The following SPPL3 variants were observed in gnomAD, a reference collection of about 807,000 sequenced individuals.
The protein encoded by SPPL3 is signal peptide peptidase like 3.
In SPPL3, 5 loss-of-function variants were observed where a neutral mutation model predicts 42.4. That is an observed-to-expected ratio of 0.12 (90% CI 0.06 to 0.25). The LOEUF (loss-of-function observed/expected upper bound fraction) is 0.25. Ranked by LOEUF, SPPL3 falls within the 10% of genes least tolerant of loss-of-function variation. The pLI is 1.00. For synonymous variants in SPPL3, 195 were observed against 181.8 expected (o/e 1.07, Z -0.58); for missense variants, 235 against 489.0 (o/e 0.48, Z 4.90).
intron 6 of SPPL3, among the ~76,000 whole-genome samples, chr12:120,772,786 G>A (rs1358935549): frequency 2.6e-5 from 4 of 152,132 alleles, no homozygotes. Flanking sequence ...ACAACTCAGA[G>A]GAGTTGGAAA....
Position 120,763,065 on chromosome 12 carries a change from ACAG to A in SPPL3, c.*1931_*1933del, listed in dbSNP as rs1346941512. The A allele has an allele frequency of 6.6e-6, 1 of 152,250 alleles. No individual in the cohort carries two copies. Among genetic ancestry groups the A allele is most frequent in the Non-Finnish European group, 1.5e-5 (1 of 68,100 alleles). 9.4% of individuals were successfully genotyped at this position (152,250 alleles called of 1,614,324 possible). On this transcript the variant is annotated 3_prime_UTR_variant, in exon 11 of 11. Coordinates refer to ENST00000353487, the MANE Select transcript of SPPL3 (RefSeq NM_139015.5). ...GCAGAGGCAGTTTTGAGTTCTGTGG[ACAG>A]CAGAAGCTTCAGTTCTTTGATGTAT...
intron 6 of SPPL3, among the ~76,000 whole-genome samples, chr12:120,777,294 G>C (rs1426568748): frequency 6.6e-6 from 1 of 152,200 alleles, no homozygotes; most frequent in African/African-American, 2.4e-5. Context: ...GAAGCTATGA[G>C]ATTGATTTGG....
rs1353394670 is a variant in SPPL3 at position 120,764,317 on chromosome 12, T to TG, written c.*681_*682insC. The TG allele has an allele frequency of 7.0e-3, 1,015 of 145,728 alleles. 38 individuals are homozygous for TG. The East Asian group carries it at 0.12, about 17-fold the overall frequency. 9.0% of individuals were successfully genotyped at this position (145,728 alleles called of 1,614,324 possible). On this transcript the variant is annotated 3_prime_UTR_variant, in exon 11 of 11. Coordinates refer to ENST00000353487, the MANE Select transcript of SPPL3 (RefSeq NM_139015.5). ...TTATTCATATATATCTATGTGTGTGTTTATATATATATATGTACGTATGTA... is the reference window on the plus strand; with the variant it reads ...TTATTCATATATATCTATGTGTGTGTGTTATATATATATATGTACGTATGTA...
intron 1 of SPPL3, among the ~76,000 whole-genome samples, chr12:120,899,491 G>A (rs1873907233): frequency 6.6e-6 from 1 of 152,164 alleles, no homozygotes; most frequent in Non-Finnish European, 1.5e-5. Context: ...GGAGAACCAA[G>A]GTTAGTGTCA....
chr12:120,846,593 T>C (rs1277868276), intron 1 of SPPL3, among the ~76,000 whole-genome samples: 1 of 152,196 alleles, frequency 6.6e-6, no homozygotes, highest in Non-Finnish European at 1.5e-5. Context: ...ACTTAGTGTA[T>C]GCTATTTAAG....
intron 1 of SPPL3, among the ~76,000 whole-genome samples, chr12:120,836,683 T>C (rs919576633): frequency 2.6e-5 from 4 of 152,006 alleles, no homozygotes; most frequent in African/African-American, 4.8e-5. Flanking sequence ...GAATGGAGGG[T>C]TAGCACCGGG....
intron 1 of SPPL3, among the ~76,000 whole-genome samples, chr12:120,842,464 ATAG>A (rs763498862): frequency 4.6e-5 from 7 of 152,200 alleles, no homozygotes; most frequent in Non-Finnish European, 1.0e-4. Flanking sequence ...TTTTTCAATA[ATAG>A]TAGAAAAGGA....
chr12:120,828,004 TCTCCAACTCCTGA>T (rs1262288453), intron 1 of SPPL3, among the ~76,000 whole-genome samples: 19 of 152,130 alleles, frequency 1.2e-4, no homozygotes, highest in Admixed American at 1.2e-3. Flanking sequence ...GCCAGGCTGG[TCTCCAACTCCTGA>T]CCTCAGGTGA....
At chr12:120,766,216 G>A (rs1241432845) in intron 10 of SPPL3, 47 bp downstream of exon 10, 18 of 1,483,500 alleles carry the variant, frequency 1.2e-5, no homozygotes, top group East Asian at 2.5e-5. Flanking sequence ...CGAGGCACAG[G>A]CCAATCCAAG....
intron 1 of SPPL3, among the ~76,000 whole-genome samples, chr12:120,811,609 T>C (rs1367066509): frequency 6.6e-6 from 1 of 152,254 alleles, no homozygotes; most frequent in Non-Finnish European, 1.5e-5. Flanking sequence ...TTTTAAAGGC[T>C]GTCTCCATGA....
chr12:120,828,033 C>T (rs1242652814), intron 1 of SPPL3, among the ~76,000 whole-genome samples: 1 of 152,334 alleles, frequency 6.6e-6, no homozygotes, highest in East Asian at 1.9e-4. Flanking sequence ...GGTGATCTGC[C>T]TGCCTCAGCC....
chr12:120,878,976 G>A (rs761106100), intron 1 of SPPL3, among the ~76,000 whole-genome samples: 36 of 151,498 alleles, frequency 2.4e-4, no homozygotes, highest in Non-Finnish European at 5.0e-4. Flanking sequence ...AGCTGGGTGT[G>A]GTGGCGGGCG....
intron 2 of SPPL3, among the ~76,000 whole-genome samples, chr12:120,807,118 A>G (rs1424025846): frequency 1.3e-4 from 20 of 152,178 alleles, no homozygotes; most frequent in Admixed American, 1.3e-3. Flanking sequence ...TAGACATTTC[A>G]CCAAAGAAGA....
At chr12:120,803,546 AT>A (rs1775028536) in intron 2 of SPPL3, among the ~76,000 whole-genome samples, 1 of 152,112 alleles carries the variant, frequency 6.6e-6, no homozygotes, top group Non-Finnish European at 1.5e-5. Flanking sequence ...AAATGAAAAA[AT>A]AATAAAATTT....
At chr12:120,834,912 A>G (rs1871557000) in intron 1 of SPPL3, among the ~76,000 whole-genome samples, 1 of 152,192 alleles carries the variant, frequency 6.6e-6, no homozygotes, top group Admixed American at 6.5e-5. Flanking sequence ...AATAACTGAA[A>G]CACACATTTC....
intron 6 of SPPL3, among the ~76,000 whole-genome samples, chr12:120,776,714 C>T (rs1024925894): frequency 2.0e-5 from 3 of 152,010 alleles, no homozygotes; most frequent in South Asian, 4.1e-4. Flanking sequence ...TTTGGGTCAG[C>T]GGCTTACTAA....
At chr12:120,838,312 T>C (rs1287051136) in intron 1 of SPPL3, among the ~76,000 whole-genome samples, 1 of 152,170 alleles carries the variant, frequency 6.6e-6, no homozygotes, top group Admixed American at 6.5e-5. Context: ...TAGTAGACCC[T>C]TGTTGGATAC....
intron 1 of SPPL3, among the ~76,000 whole-genome samples, chr12:120,824,977 A>T (rs1221469609): frequency 6.6e-6 from 1 of 152,196 alleles, no homozygotes; most frequent in Non-Finnish European, 1.5e-5. Flanking sequence ...ATGGAATGGA[A>T]CAAATGTTAA....
At chr12:120,802,431 A>ATATTT (rs1312190815) in intron 2 of SPPL3, among the ~76,000 whole-genome samples, 26 of 105,110 alleles carry the variant, frequency 2.5e-4, no homozygotes, top group African/African-American at 5.5e-4. Flanking sequence ...ATATATATAT[A>ATATTT]TTTTTTTTTT....
Sources: gnomAD v4.1 joint callset for allele counts (sites outside exome capture counted in the v4.1 genomes callset) on GRCh38, gnomAD v4.1.1 for gene constraint, MANE v1.5 for transcripts, NCBI Gene and HGNC (gene_info 2026-07-23, HGNC 2026-07-21) for gene names.